Variants in PDE1C observed in about 807,000 individuals in gnomAD.
PDE1C encodes phosphodiesterase 1C.
Under a neutral mutation model 93.1 loss-of-function variants are expected in PDE1C, and 62 were observed. That is an observed-to-expected ratio of 0.67 (90% CI 0.54 to 0.82). The LOEUF is 0.82. Among genes scored for constraint, PDE1C ranks in the 40% least tolerant of loss-of-function variants. The pLI is 0.00. For missense variants in PDE1C, 742 were observed against 884.6 expected, an observed-to-expected ratio of 0.84 and a Z score of 2.04; for synonymous variants, 325 against 310.1, an observed-to-expected ratio of 1.05 and a Z score of -0.50.
intron 17 of PDE1C, among the ~76,000 whole-genome samples, chr7:31,759,334 A>G (rs1794683246): frequency 6.6e-6 from 1 of 152,016 alleles, no homozygotes; most frequent in Non-Finnish European, 1.5e-5. Context: ...TACCTAAACT[A>G]TCGGAAGGGG....
At chr7:32,326,812 G>C (rs1783412195) in intron 1 of PDE1C, among the ~76,000 whole-genome samples, 1 of 152,164 alleles carries the variant, frequency 6.6e-6, no homozygotes, top group Non-Finnish European at 1.5e-5. Context: ...CTTTTCTAAG[G>C]TGGCAGCAAT....
At chr7:31,703,181 C>A in the PDE1C span, among the ~76,000 whole-genome samples, 1 of 152,236 alleles carries the variant, frequency 6.6e-6, no homozygotes, top group Non-Finnish European at 1.5e-5. Context: ...AAACTCTCAA[C>A]AAATGTTAGT....
chr7:32,218,284 G>C (rs1202853449), intron 1 of PDE1C, among the ~76,000 whole-genome samples: 3 of 152,208 alleles, frequency 2.0e-5, no homozygotes, highest in Admixed American at 2.0e-4. Context: ...GGCCAATTTG[G>C]CTGTCAAATC....
At chr7:31,986,734 C>T (rs910307814) in intron 2 of PDE1C, among the ~76,000 whole-genome samples, 5 of 151,904 alleles carry the variant, frequency 3.3e-5, no homozygotes, top group African/African-American at 9.7e-5. Flanking sequence ...TCCCCAGGGT[C>T]GATGGAAGGA....
intron 1 of PDE1C, among the ~76,000 whole-genome samples, chr7:32,395,228 A>C (rs1784820603): frequency 6.6e-6 from 1 of 152,246 alleles, no homozygotes; most frequent in Non-Finnish European, 1.5e-5. Flanking sequence ...GGAGGAAAAG[A>C]CATGTAAAAC....
intron 1 of PDE1C, among the ~76,000 whole-genome samples, chr7:32,296,123 C>T (rs542311074): frequency 3.4e-4 from 52 of 152,208 alleles, no homozygotes; most frequent in African/African-American, 1.2e-3. Flanking sequence ...ATTAGAAGTA[C>T]ATACAAGAAA....
At chr7:32,168,000 T>G (rs1562541386) in intron 3 of PDE1C, among the ~76,000 whole-genome samples, 1 of 152,160 alleles carries the variant, frequency 6.6e-6, no homozygotes, top group African/African-American at 2.4e-5. Context: ...CAGAAGAGAA[T>G]ATTTACCATT....
Position 31,816,068 on chromosome 7 carries a change from C to T in PDE1C, c.1669G>A (p.Glu557Lys), listed in dbSNP as rs772676533. 41 of 1,613,954 alleles carry T rather than the reference C, an allele frequency of 2.5e-5. 1 individual carries two copies. In the South Asian group the frequency reaches 4.1e-4, roughly 16 times the overall value. ...TCAGCTTTGCCAGATGCGCCTTCTTCAGCCTGGCTTTTGGCTTCCATTTCC... is the reference window on the plus strand; with the variant it reads ...TCAGCTTTGCCAGATGCGCCTTCTTTAGCCTGGCTTTTGGCTTCCATTTCC... Reference protein sequence around the residue: ...QKEMEAKSQAEEGASGKAEKK... With the variant: ...QKEMEAKSQAKEGASGKAEKK... The change falls in exon 15 of 18, where the codon GAA becomes AAA. Residue 557 changes from glutamate (E) to lysine (K), a missense_variant. Physicochemically the swap from Glu to Lys is moderately conservative, Grantham distance 56. Coordinates refer to ENST00000396191, the MANE Select transcript of PDE1C (RefSeq NM_001191057.4).
At chr7:31,988,986 ACTT>A (rs1299558005) in intron 2 of PDE1C, among the ~76,000 whole-genome samples, 1 of 131,444 alleles carries the variant, frequency 7.6e-6, no homozygotes, top group Non-Finnish European at 1.6e-5. Context: ...CAAGAGTGAA[ACTT>A]CTTCTCAAAA....
the PDE1C span, among the ~76,000 whole-genome samples, chr7:31,625,352 G>A: frequency 6.6e-6 from 1 of 151,930 alleles, no homozygotes; most frequent in African/African-American, 2.4e-5. Context: ...ATTCACAATA[G>A]CAAAGACTTG....
intron 16 of PDE1C, among the ~76,000 whole-genome samples, chr7:31,800,671 T>A (rs1320188061): frequency 2.0e-5 from 3 of 151,510 alleles, no homozygotes; most frequent in Non-Finnish European, 4.4e-5. Context: ...ACCTTCTCTG[T>A]AGTCCTCCAA....
intron 1 of PDE1C, among the ~76,000 whole-genome samples, chr7:32,373,314 A>C (rs938996859): frequency 6.6e-6 from 1 of 152,264 alleles, no homozygotes; most frequent in Non-Finnish European, 1.5e-5. Flanking sequence ...TACATGCTAC[A>C]ATGTGGACGA....
intron 1 of PDE1C, among the ~76,000 whole-genome samples, chr7:32,332,454 G>GT (rs527649988): frequency 3.0e-4 from 44 of 146,846 alleles, no homozygotes; most frequent in Middle Eastern, 3.5e-3. Flanking sequence ...GATACAACAG[G>GT]TTTTTTTTTT....
At chr7:31,849,139 T>C (rs932533172) in intron 8 of PDE1C, among the ~76,000 whole-genome samples, 3 of 152,222 alleles carry the variant, frequency 2.0e-5, no homozygotes, top group Non-Finnish European at 2.9e-5. Context: ...AGATCTGCTG[T>C]TACATCTGTT....
At position 32,313,162 on chromosome 7, in the gene PDE1C, T is replaced by A. The variant is rs550713300; in HGVS notation, c.311-103623A>T. Reference sequence around the variant, plus strand: ...AAAAACACATGAAAAAATGCTCATCTTCACTGGCCATCAGAGAAATGCAAA... The same window carrying A: ...AAAAACACATGAAAAAATGCTCATCATCACTGGCCATCAGAGAAATGCAAA... On this transcript the variant is annotated intron_variant, in intron 1 of 1. Coordinates refer to the PDE1C transcript ENST00000672256. Among the ~76,000 whole-genome samples, 662 of 150,864 alleles carry A rather than the reference T, an allele frequency of 4.4e-3. 2 individuals carry two copies. The highest frequency in any genetic ancestry group is 0.012 in the African/African-American group (484 of 40,588).
chr7:32,242,376 A>G (rs560840791), intron 1 of PDE1C, among the ~76,000 whole-genome samples: 3 of 152,292 alleles, frequency 2.0e-5, no homozygotes, highest in African/African-American at 7.2e-5. Flanking sequence ...GGAGTAGTCA[A>G]TGAGATGTTG....
the PDE1C span, among the ~76,000 whole-genome samples, chr7:31,703,883 T>C: frequency 6.6e-6 from 1 of 152,142 alleles, no homozygotes; most frequent in Admixed American, 6.5e-5. Flanking sequence ...TTCAAAGGGG[T>C]CATCTCAAGC....
chr7:32,356,974 TACAC>T (rs1585123363), intron 1 of PDE1C, among the ~76,000 whole-genome samples: 1 of 152,158 alleles, frequency 6.6e-6, no homozygotes, highest in Non-Finnish European at 1.5e-5. Context: ...TGCCAAGATC[TACAC>T]ACACCACATC....
rs556454514 is a variant in PDE1C, at chr7:32,373,953, C to T, written c.310+53869G>A. On this transcript the variant is annotated intron_variant, in intron 1 of 1. Transcript: ENST00000672256. Reference sequence around the variant, plus strand: ...AGTGAGCCAAAGTGAGCCAAGATCGCGCCACTGCACTCCAGCCTAGGCAAC... The same window carrying T: ...AGTGAGCCAAAGTGAGCCAAGATCGTGCCACTGCACTCCAGCCTAGGCAAC... Among the ~76,000 whole-genome samples the T allele has an allele frequency of 3.8e-4, 58 of 151,396 alleles. 1 individual carries two copies. Among genetic ancestry groups the T allele is most frequent in the South Asian group, 1.3e-3 (6 of 4,778 alleles).
Sources: gnomAD v4.1 joint callset for allele counts (sites outside exome capture counted in the v4.1 genomes callset) on GRCh38, gnomAD v4.1.1 for gene constraint, MANE v1.5 for transcripts, NCBI Gene and HGNC (gene_info 2026-07-23, HGNC 2026-07-21) for gene names.